The following OPCML variants were observed in gnomAD, a reference collection of about 807,000 sequenced individuals.
OPCML encodes opioid-binding protein/cell adhesion molecule.
OPCML carries 13 observed loss-of-function variants against 37.8 expected under a neutral mutation model. The observed-to-expected ratio is 0.34, with a 90% CI of 0.22 to 0.55. The LOEUF is 0.55. Ranked by LOEUF, OPCML falls within the 20% of genes least tolerant of loss-of-function variation. The probability of loss-of-function intolerance (pLI) is 0.91; values close to 1 mark genes in which losing one functional copy is unlikely to be tolerated. For missense variants in OPCML, 341 were observed against 435.6 expected, an observed-to-expected ratio of 0.78 and a Z score of 1.93; for synonymous variants, 176 against 168.8, an observed-to-expected ratio of 1.04 and a Z score of -0.33.
At chr11:133,023,758 G>A (rs1160358057) in intron 1 of OPCML, among the ~76,000 whole-genome samples, 2 of 152,134 alleles carry the variant, frequency 1.3e-5, no homozygotes, top group Admixed American at 1.3e-4. Flanking sequence ...ATAGGCTGTG[G>A]GAGAAAATAA....
At chr11:133,262,890 G>T (rs1403705208) in intron 1 of OPCML, among the ~76,000 whole-genome samples, 2 of 151,920 alleles carry the variant, frequency 1.3e-5, no homozygotes, top group Middle Eastern at 3.2e-3. Context: ...TCTACTACCA[G>T]TGGGGTGCCA....
rs1031123090 is a variant in OPCML at position 133,412,904 on chromosome 11, A to G, written c.61+119360T>C. Among the ~76,000 whole-genome samples, 8 of 152,294 alleles carry G rather than the reference A, an allele frequency of 5.3e-5. No individual in the cohort carries two copies. In the South Asian group the frequency reaches 1.2e-3, roughly 24 times the overall value. On this transcript the variant is annotated intron_variant, in intron 1 of 7. Transcript: ENST00000524381. ...TGTGAAAAGACTGTTTTTCACAGAA[A>G]ATATCTCCCTTAGATGCTTAAAATA...
intron 2 of OPCML, among the ~76,000 whole-genome samples, chr11:132,924,463 T>C (rs1944922350): frequency 6.6e-6 from 1 of 152,208 alleles, no homozygotes; most frequent in Non-Finnish European, 1.5e-5. Flanking sequence ...TAACATTTCT[T>C]GCAAAGCAAG....
At chr11:133,283,810 A>T (rs567236921) in intron 1 of OPCML, among the ~76,000 whole-genome samples, 2 of 152,180 alleles carry the variant, frequency 1.3e-5, no homozygotes, top group African/African-American at 2.4e-5. Context: ...TATGGGCTTC[A>T]TGCCTTAGAA....
intron 1 of OPCML, among the ~76,000 whole-genome samples, chr11:133,527,244 A>T (rs1948508930): frequency 1.3e-5 from 2 of 152,202 alleles, no homozygotes; most frequent in African/African-American, 4.8e-5. Context: ...CAAATATACC[A>T]CAAAGCAACG....
At chr11:133,410,982 T>C (rs762378127) in intron 1 of OPCML, among the ~76,000 whole-genome samples, 3 of 152,204 alleles carry the variant, frequency 2.0e-5, no homozygotes, top group Admixed American at 6.5e-5. Flanking sequence ...CTCCCATTGC[T>C]TCCTCAAGCA....
At chr11:133,231,539 G>A (rs571981939) in intron 1 of OPCML, among the ~76,000 whole-genome samples, 2 of 152,048 alleles carry the variant, frequency 1.3e-5, no homozygotes, top group African/African-American at 2.4e-5. Flanking sequence ...GTTGAAAATG[G>A]CATCATCTCC....
chr11:133,529,229 G>A (rs1591603152), intron 1 of OPCML, among the ~76,000 whole-genome samples: 1 of 152,246 alleles, frequency 6.6e-6, no homozygotes, highest in Admixed American at 6.5e-5. Context: ...GCTTCCGTCT[G>A]AGACGAGGAC....
At chr11:133,292,797 A>T (rs1381828397) in intron 1 of OPCML, among the ~76,000 whole-genome samples, 2 of 152,178 alleles carry the variant, frequency 1.3e-5, no homozygotes, top group African/African-American at 2.4e-5. Context: ...TTATATAAGG[A>T]AGCTAAATCT....
chr11:133,139,629 G>A (rs1166879222), intron 1 of OPCML, among the ~76,000 whole-genome samples: 1 of 152,184 alleles, frequency 6.6e-6, no homozygotes, highest in Non-Finnish European at 1.5e-5. Flanking sequence ...AGGCAGATTG[G>A]ACTGATATTC....
chr11:133,463,054 C>T (rs546300498), intron 1 of OPCML, among the ~76,000 whole-genome samples: 8 of 145,956 alleles, frequency 5.5e-5, no homozygotes, highest in East Asian at 2.0e-4. Context: ...AACGTTAAGG[C>T]GCTGTCTAAG....
chr11:133,485,734 C>A (rs1947512241), intron 1 of OPCML, among the ~76,000 whole-genome samples: 1 of 152,128 alleles, frequency 6.6e-6, no homozygotes, highest in Non-Finnish European at 1.5e-5. Context: ...TTTATAACAA[C>A]AAATCAATAC....
intron 1 of OPCML, among the ~76,000 whole-genome samples, chr11:133,247,665 G>A (rs1287295477): frequency 6.7e-6 from 1 of 149,538 alleles, no homozygotes; most frequent in African/African-American, 2.5e-5. Context: ...GTGCAGTGGT[G>A]TGATCTCAGC....
intron 1 of OPCML, among the ~76,000 whole-genome samples, chr11:133,405,907 C>A (rs1945515291): frequency 6.6e-6 from 1 of 152,110 alleles, no homozygotes; most frequent in African/African-American, 2.4e-5. Context: ...GCAGTCCAGG[C>A]AAGGTAGAGG....
chr11:132,450,553 C>G (rs1002397138), intron 4 of OPCML, among the ~76,000 whole-genome samples: 4 of 151,430 alleles, frequency 2.6e-5, no homozygotes, highest in African/African-American at 7.3e-5. Flanking sequence ...ATGCAGTGAG[C>G]TTACTCTACT....
chr11:133,126,233 T>G (rs1441445561), intron 1 of OPCML, among the ~76,000 whole-genome samples: 1 of 151,908 alleles, frequency 6.6e-6, no homozygotes, highest in African/African-American at 2.4e-5. Context: ...ATCAGGAGCA[T>G]TAAGGTTCCA....
intron 1 of OPCML, among the ~76,000 whole-genome samples, chr11:133,210,072 A>C (rs1939290161): frequency 6.6e-6 from 1 of 152,212 alleles, no homozygotes; most frequent in African/African-American, 2.4e-5. Flanking sequence ...GCGACAATGC[A>C]TAAAGTCTCT....
chr11:132,632,536 A>T (rs1034333183), intron 3 of OPCML, among the ~76,000 whole-genome samples: 1 of 152,224 alleles, frequency 6.6e-6, no homozygotes. Flanking sequence ...GTCTCTCTCC[A>T]GTGGCTCTAT....
intron 4 of OPCML, among the ~76,000 whole-genome samples, chr11:132,486,637 C>CT (rs2096200662): frequency 6.6e-6 from 1 of 151,762 alleles, no homozygotes; most frequent in African/African-American, 2.4e-5. Flanking sequence ...GATTCCTTTT[C>CT]TTTTTTAATT....
Sources: gnomAD v4.1 joint callset for allele counts (sites outside exome capture counted in the v4.1 genomes callset) on GRCh38, gnomAD v4.1.1 for gene constraint, MANE v1.5 for transcripts, NCBI Gene and HGNC (gene_info 2026-07-23, HGNC 2026-07-21) for gene names.